Variants in ACVR1C observed in about 807,000 individuals in gnomAD.
ACVR1C encodes the protein activin A receptor type 1C.
ACVR1C carries 23 observed loss-of-function variants against 57.9 expected under a neutral mutation model. That is an observed-to-expected ratio of 0.40 (90% CI 0.29 to 0.56). The LOEUF (loss-of-function observed/expected upper bound fraction) is 0.56. ACVR1C is among the 20% of genes least tolerant of loss of function. ACVR1C has a pLI of 0.50. For missense variants in ACVR1C, 480 were observed against 607.9 expected (o/e 0.79, Z 2.21); for synonymous variants, 214 against 215.3 (o/e 0.99, Z 0.05).
At chr2:157,563,125 T>A (rs1046216791) in intron 2 of ACVR1C, among the ~76,000 whole-genome samples, 1 of 152,128 alleles carries the variant, frequency 6.6e-6, no homozygotes, top group African/African-American at 2.4e-5. Context: ...GCCAGGGCAA[T>A]CAGGCAACAG....
At position 157,550,336 on chromosome 2, in the gene ACVR1C, C is replaced by T. The variant is rs1687885510; in HGVS notation, c.601G>A (p.Val201Ile). ...IARTIVLQEIVGKGRFGEVWH... is the reference protein window; with the variant it reads ...IARTIVLQEIIGKGRFGEVWH... Reference sequence around the variant, plus strand: ...ACCTCACCAAATCTACCTTTTCCTACTATTTCCTGAAGCACAATCGTCCTT... The same window carrying T: ...ACCTCACCAAATCTACCTTTTCCTATTATTTCCTGAAGCACAATCGTCCTT... Residue 201 changes from valine to isoleucine, a missense_variant, in exon 4 of 9, where the codon GTA (valine) becomes ATA (isoleucine). Coordinates refer to ENST00000243349, the MANE Select transcript of ACVR1C (RefSeq NM_145259.3). 2 of 1,614,058 alleles carry T rather than the reference C, an allele frequency of 1.2e-6. No homozygotes were observed. The highest frequency in any genetic ancestry group is 1.7e-6 in the Non-Finnish European group (2 of 1,180,044).
rs2105165412 is a variant in ACVR1C, at chr2:157,628,594, T to G, written c.51A>C (p.Ala17=). The change falls in exon 1 of 9, where the codon GCA becomes GCC. Residue 17 remains alanine, a synonymous_variant. Coordinates refer to ENST00000243349, the MANE Select transcript of ACVR1C (RefSeq NM_145259.3). ...TACCTGGCGAGAGCTCGGCGGCCGC[T>G]GCGAGCAGCAGGAGAGCCTGGCGGA... The part of the protein sequence containing the change: ...SALRQALLLL[A]AAAELSPGLK... The G allele has an allele frequency of 6.2e-7, 1 of 1,607,158 alleles. No homozygotes were observed. Among genetic ancestry groups the G allele is most frequent in the South Asian group, 1.1e-5 (1 of 90,278 alleles).
chr2:157,555,963 T>A, intron 3 of ACVR1C, 130 bp downstream of exon 3: 3 of 1,109,734 alleles, frequency 2.7e-6, no homozygotes, highest in Non-Finnish European at 3.7e-6. Context: ...GGAGTTCCTA[T>A]ACCAGAGCTC....
In ACVR1C at chr2:157,530,353, G is replaced by C. The variant is rs1247471737; in HGVS notation, c.*3565C>G. On this transcript the variant is annotated 3_prime_UTR_variant, in exon 9 of 9. Coordinates refer to ENST00000243349, the MANE Select transcript of ACVR1C (RefSeq NM_145259.3). ...GTTGTTTACTCAAACTTTGTATAAT[G>C]GCAAACATCAGCTCCCTGTTTTCAG... The C allele has an allele frequency of 6.6e-6, 1 of 152,072 alleles. No individual in the cohort carries two copies. The highest frequency in any genetic ancestry group is 1.5e-5 in the Non-Finnish European group (1 of 67,996). The allele number at this position is 152,072 out of a possible 1,614,324, so 9.4% of individuals were successfully genotyped here. A position where few individuals can be genotyped will look rare whatever the true frequency, so the allele number is the denominator to read the frequency against.
chr2:157,628,237 G>A (rs976809595), intron 1 of ACVR1C, among the ~76,000 whole-genome samples: 3 of 152,056 alleles, frequency 2.0e-5, no homozygotes, highest in Admixed American at 2.0e-4. Flanking sequence ...AGCCATGCGC[G>A]CACCCACAAA....
intron 1 of ACVR1C, among the ~76,000 whole-genome samples, chr2:157,604,737 T>C (rs1350640427): frequency 6.6e-6 from 1 of 151,886 alleles, no homozygotes; most frequent in Non-Finnish European, 1.5e-5. Flanking sequence ...GTCCACTTCT[T>C]ACTGAGTTGT....
intron 4 of ACVR1C, among the ~76,000 whole-genome samples, chr2:157,548,699 A>G (rs1687830851): frequency 6.6e-6 from 1 of 152,170 alleles, no homozygotes. Context: ...TATTTAATAA[A>G]TGGTGCTGGG....
intron 4 of ACVR1C, among the ~76,000 whole-genome samples, chr2:157,548,143 C>G (rs1003817933): frequency 1.3e-5 from 2 of 150,810 alleles, no homozygotes; most frequent in African/African-American, 4.9e-5. Flanking sequence ...AACAGACAAA[C>G]AGAGAGCCAA....
chr2:157,600,289 G>C (rs898034169), intron 1 of ACVR1C, among the ~76,000 whole-genome samples: 5 of 152,176 alleles, frequency 3.3e-5, no homozygotes, highest in Non-Finnish European at 7.3e-5. Context: ...GAAAAGAGCA[G>C]AGTTCAGTGA....
intron 8 of ACVR1C, among the ~76,000 whole-genome samples, chr2:157,537,857 A>C (rs1687526294): frequency 6.6e-6 from 1 of 152,172 alleles, no homozygotes; most frequent in Admixed American, 6.5e-5. Context: ...CATTGCAATA[A>C]CCACTTACTA....
chr2:157,555,101 C>CTTTTTTTTTTTTTTTT lies in ACVR1C; in HGVS notation c.544+976_544+991dup, dbSNP rs60269781. 1.2e-4 allele frequency among the ~76,000 whole-genome samples: 10 copies of CTTTTTTTTTTTTTTTT among 83,946 alleles called. 1 individual carries two copies. Among genetic ancestry groups the CTTTTTTTTTTTTTTTT allele is most frequent in the African/African-American group, 5.9e-4 (10 of 16,854 alleles). The allele number at this position is 83,946 out of a possible 152,430, so 55.1% of individuals were successfully genotyped here. On this transcript the variant is annotated intron_variant, in intron 3 of 8. Transcript: ENST00000243349. Reference sequence around the variant, plus strand: ...ATAATACAGCCTGGTACTTTGAACGCTTTTTTTTTTTTTTTTTTTTTTTTT... The same window carrying CTTTTTTTTTTTTTTTT: ...ATAATACAGCCTGGTACTTTGAACGCTTTTTTTTTTTTTTTTTTTTTTTTTTTTTTTTTTTTTTTTT...
chr2:157,609,900 G>T (rs1338424725), intron 1 of ACVR1C, among the ~76,000 whole-genome samples: 1 of 151,778 alleles, frequency 6.6e-6, no homozygotes, highest in Non-Finnish European at 1.5e-5. Flanking sequence ...ATAATTTTTT[G>T]TATCTATTCA....
chr2:157,605,149 T>G (rs1682364039), intron 1 of ACVR1C, among the ~76,000 whole-genome samples: 1 of 151,784 alleles, frequency 6.6e-6, no homozygotes, highest in Non-Finnish European at 1.5e-5. Flanking sequence ...AGGCTATTCT[T>G]TCTCCATTAA....
intron 2 of ACVR1C, among the ~76,000 whole-genome samples, chr2:157,559,815 G>A (rs1437496264): frequency 6.6e-6 from 1 of 151,922 alleles, no homozygotes; most frequent in Non-Finnish European, 1.5e-5. Flanking sequence ...CCTACAATAT[G>A]TTAAACTGAG....
At chr2:157,551,297 T>A (rs938514863) in intron 3 of ACVR1C, among the ~76,000 whole-genome samples, 2 of 152,134 alleles carry the variant, frequency 1.3e-5, no homozygotes, top group African/African-American at 4.8e-5. Flanking sequence ...AGAGATGATA[T>A]GAGAATTAAT....
chr2:157,598,842 C>T (rs1311949177), intron 1 of ACVR1C, among the ~76,000 whole-genome samples: 3 of 151,990 alleles, frequency 2.0e-5, no homozygotes, highest in African/African-American at 4.8e-5. Context: ...CCAGCTTTAA[C>T]AGTCTTTTTC....
At chr2:157,545,580 T>C (rs1207859821) in intron 4 of ACVR1C, among the ~76,000 whole-genome samples, 4 of 152,128 alleles carry the variant, frequency 2.6e-5, no homozygotes, top group African/African-American at 9.7e-5. Flanking sequence ...GTCAGACAGT[T>C]GACTAAAGAG....
intron 1 of ACVR1C, among the ~76,000 whole-genome samples, chr2:157,619,086 AG>A (rs1243610082): frequency 6.6e-6 from 1 of 151,896 alleles, no homozygotes; most frequent in East Asian, 1.9e-4. Flanking sequence ...ACTCATCCAA[AG>A]TGGAATATGT....
At chr2:157,539,157 C>T (rs975717008) in intron 7 of ACVR1C, among the ~76,000 whole-genome samples, 35 of 151,986 alleles carry the variant, frequency 2.3e-4, no homozygotes, top group Admixed American at 2.1e-3. Context: ...GAATGAAGTA[C>T]GTATATTTTC....
Sources: allele counts gnomAD v4.1 joint callset (sites outside exome capture counted in the v4.1 genomes callset), GRCh38; gene constraint gnomAD v4.1.1; transcripts MANE v1.5; gene names NCBI Gene and HGNC (gene_info 2026-07-23, HGNC 2026-07-21).